The following PTPRR variants were observed in gnomAD, a reference collection of about 807,000 sequenced individuals.
PTPRR encodes protein tyrosine phosphatase receptor type R.
In PTPRR, 38 loss-of-function variants were observed where a neutral mutation model predicts 77.2. The observed-to-expected ratio is 0.49, with a 90% CI of 0.38 to 0.65. PTPRR has a LOEUF of 0.65. PTPRR is among the 30% of genes least tolerant of loss of function. PTPRR has a pLI of 0.00. For synonymous variants in PTPRR, 299 were observed against 283.1 expected (o/e 1.06, Z -0.57); for missense variants, 744 against 799.2 (o/e 0.93, Z 0.83).
At chr12:70,815,491 T>C (rs1337678106) in intron 2 of PTPRR, among the ~76,000 whole-genome samples, 1 of 152,150 alleles carries the variant, frequency 6.6e-6, no homozygotes, top group Admixed American at 6.5e-5. Flanking sequence ...AAGAAAACTG[T>C]AATACAGCAC....
At chr12:70,783,865 G>C (rs1347508912) in intron 2 of PTPRR, among the ~76,000 whole-genome samples, 1 of 38,678 alleles carries the variant, frequency 2.6e-5, no homozygotes, top group African/African-American at 5.9e-5. Flanking sequence ...GGGGGGGACG[G>C]GGGGGGGGGG....
At chr12:70,704,182 G>A (rs1888531988) in intron 6 of PTPRR, among the ~76,000 whole-genome samples, 1 of 152,096 alleles carries the variant, frequency 6.6e-6, no homozygotes, top group African/African-American at 2.4e-5. Flanking sequence ...AGCACTTTGG[G>A]AGACTGAGGC....
intron 2 of PTPRR, among the ~76,000 whole-genome samples, chr12:70,774,803 A>T (rs1264290371): frequency 6.6e-6 from 1 of 152,236 alleles, no homozygotes; most frequent in Non-Finnish European, 1.5e-5. Flanking sequence ...ATTTTATTTC[A>T]GACAAAATAA....
At position 70,652,534 on chromosome 12, in the gene PTPRR, G is replaced by A. The variant is rs556399789; in HGVS notation, c.1880+4170C>T. Reference sequence around the variant, plus strand: ...AGCTGCTCAGAAAGAATGCAGAAAGGGTCTTGATGAAGAAATCAGAATGAT... The same window carrying A: ...AGCTGCTCAGAAAGAATGCAGAAAGAGTCTTGATGAAGAAATCAGAATGAT... On this transcript the variant is annotated intron_variant, in intron 13 of 13. Coordinates refer to ENST00000283228, the MANE Select transcript of PTPRR (RefSeq NM_002849.4). Among the ~76,000 whole-genome samples, 11 of 152,216 alleles carry A rather than the reference G, an allele frequency of 7.2e-5. No homozygotes were observed. The East Asian group carries it at 1.9e-3, about 27-fold the overall frequency.
chr12:70,663,484 T>C (rs1234837017), intron 10 of PTPRR, among the ~76,000 whole-genome samples: 1 of 152,192 alleles, frequency 6.6e-6, no homozygotes, highest in Non-Finnish European at 1.5e-5. Context: ...TTATTGCTGT[T>C]GTTATTTTAA....
At chr12:70,718,788 G>C (rs1305809748) in intron 6 of PTPRR, among the ~76,000 whole-genome samples, 2 of 152,090 alleles carry the variant, frequency 1.3e-5, no homozygotes, top group Non-Finnish European at 2.9e-5. Flanking sequence ...AATTATAATG[G>C]GGAAATACTA....
At chr12:70,855,234 C>T (rs1005694863) in intron 2 of PTPRR, among the ~76,000 whole-genome samples, 1 of 152,096 alleles carries the variant, frequency 6.6e-6, no homozygotes, top group Non-Finnish European at 1.5e-5. Flanking sequence ...AAAATTACTG[C>T]GATGGATGTT....
intron 6 of PTPRR, among the ~76,000 whole-genome samples, chr12:70,729,138 A>G (rs1272461156): frequency 6.6e-6 from 1 of 152,144 alleles, no homozygotes; most frequent in Non-Finnish European, 1.5e-5. Context: ...AGATTATAGA[A>G]ATATATACTA....
chr12:70,758,426 T>C (rs1890611751), intron 4 of PTPRR, among the ~76,000 whole-genome samples: 1 of 152,144 alleles, frequency 6.6e-6, no homozygotes, highest in South Asian at 2.1e-4. Flanking sequence ...ACTCAGTAAG[T>C]TGCTCTATTC....
chr12:70,765,158 G>T (rs910234388), intron 2 of PTPRR, among the ~76,000 whole-genome samples: 1 of 152,148 alleles, frequency 6.6e-6, no homozygotes, highest in African/African-American at 2.4e-5. Flanking sequence ...GACAGTGGGC[G>T]CAGGACAGTG....
chr12:70,652,731 T>C (rs576927782), intron 13 of PTPRR, among the ~76,000 whole-genome samples: 2 of 152,292 alleles, frequency 1.3e-5, no homozygotes, highest in Non-Finnish European at 2.9e-5. Flanking sequence ...TCTGACCATT[T>C]GCTTTAGGAA....
Position 70,787,381 on chromosome 12 carries a change from C to T in PTPRR, c.358-22603G>A, listed in dbSNP as rs149846835. ...AGCATCAATTATCAACTGAGTAATT[C>T]GCAATAGCAATTTTTAAAATTAACT... On this transcript the variant is annotated intron_variant, in intron 2 of 13. Transcript: ENST00000283228. Among the ~76,000 whole-genome samples, 478 of 152,234 alleles carry T rather than the reference C, an allele frequency of 3.1e-3. 4 individuals are homozygous for T. The highest frequency in any genetic ancestry group is 0.011 in the African/African-American group (460 of 41,554).
At position 70,888,596 on chromosome 12, in the gene PTPRR, C is replaced by T. The variant is rs564181863; in HGVS notation, c.357+4083G>A. ...TATATGGAAGCACATCTGAGTCACACCTCACATTACAGTAGGCTTTCGCAT... is the reference window on the plus strand; with the variant it reads ...TATATGGAAGCACATCTGAGTCACATCTCACATTACAGTAGGCTTTCGCAT... On this transcript the variant is annotated intron_variant, in intron 2 of 13. Transcript: ENST00000283228. 2.6e-5 allele frequency among the ~76,000 whole-genome samples: 4 copies of T among 152,262 alleles called. No homozygotes were observed. In the South Asian group the frequency reaches 6.2e-4, roughly 24 times the overall value.
chr12:70,778,870 G>A (rs1373918553), intron 2 of PTPRR, among the ~76,000 whole-genome samples: 7 of 152,124 alleles, frequency 4.6e-5, no homozygotes, highest in Admixed American at 1.3e-4. Context: ...TTTAGACAGA[G>A]TTTTCACTCT....
intron 13 of PTPRR, among the ~76,000 whole-genome samples, chr12:70,656,356 C>T (rs1248058219): frequency 6.6e-6 from 1 of 151,920 alleles, no homozygotes; most frequent in African/African-American, 2.4e-5. Flanking sequence ...GTAACAAGAC[C>T]CCATCTCTAC....
chr12:70,729,405 A>C (rs1202445401), intron 6 of PTPRR, among the ~76,000 whole-genome samples: 2 of 152,110 alleles, frequency 1.3e-5, no homozygotes, highest in Non-Finnish European at 2.9e-5. Context: ...GAGCTGTTGA[A>C]GCTGAATTTG....
chr12:70,736,161 T>C (rs955450487), intron 6 of PTPRR, among the ~76,000 whole-genome samples: 12 of 152,270 alleles, frequency 7.9e-5, no homozygotes, highest in African/African-American at 2.9e-4. Context: ...GCCTCCAGAA[T>C]GGCAAAAATC....
chr12:70,722,338 T>C (rs1889287599), intron 6 of PTPRR, among the ~76,000 whole-genome samples: 1 of 152,200 alleles, frequency 6.6e-6, no homozygotes, highest in African/African-American at 2.4e-5. Context: ...CATCTTCCTA[T>C]ATAGAGATAA....
chr12:70,735,875 C>T (rs1889845326), intron 6 of PTPRR, among the ~76,000 whole-genome samples: 1 of 152,190 alleles, frequency 6.6e-6, no homozygotes, highest in East Asian at 1.9e-4. Context: ...AACCCATCAG[C>T]TGTGACTCTG....
Sources: allele counts gnomAD v4.1 joint callset (sites outside exome capture counted in the v4.1 genomes callset), GRCh38; gene constraint gnomAD v4.1.1; transcripts MANE v1.5; gene names NCBI Gene and HGNC (gene_info 2026-07-23, HGNC 2026-07-21).